The following PTPRD variants were observed in gnomAD, a reference collection of about 807,000 sequenced individuals.
The protein encoded by PTPRD is receptor-type tyrosine-protein phosphatase delta.
Under a neutral mutation model 214.5 loss-of-function variants are expected in PTPRD, and 34 were observed. The ratio of observed to expected loss-of-function variants is 0.16; its 90% confidence interval spans 0.12 to 0.21. The LOEUF (loss-of-function observed/expected upper bound fraction) is 0.21, where lower values mean the gene tolerates loss of function less well. Among genes scored for constraint, PTPRD ranks in the 10% least tolerant of loss-of-function variants. PTPRD has a pLI of 1.00. For synonymous variants in PTPRD, 1,128 were observed against 845.7 expected, an observed-to-expected ratio of 1.33 and a Z score of -5.79; for missense variants, 2,545 against 2,398.7, an observed-to-expected ratio of 1.06 and a Z score of -1.27.
intron 8 of PTPRD, among the ~76,000 whole-genome samples, chr9:9,429,560 C>T (rs2082266927): frequency 1.3e-5 from 2 of 152,170 alleles, no homozygotes; most frequent in Admixed American, 6.5e-5. Flanking sequence ...ATGAGGCCAG[C>T]ATCATCCTGA....
chr9:9,947,596 AAT>A (rs1491435177), intron 4 of PTPRD, among the ~76,000 whole-genome samples: 3 of 47,912 alleles, frequency 6.3e-5, no homozygotes, highest in African/African-American at 1.2e-4. Flanking sequence ...TTATATATAT[AAT>A]ATATATATTT....
chr9:10,478,768 G>C (rs1346941544), intron 2 of PTPRD, among the ~76,000 whole-genome samples: 3 of 151,476 alleles, frequency 2.0e-5, no homozygotes, highest in Admixed American at 2.0e-4. Flanking sequence ...ACTCAAATAA[G>C]TTGAGGAAAA....
At chr9:9,449,217 A>C (rs2091411930) in intron 8 of PTPRD, among the ~76,000 whole-genome samples, 1 of 152,068 alleles carries the variant, frequency 6.6e-6, no homozygotes, top group African/African-American at 2.4e-5. Flanking sequence ...GGAGAAAAAT[A>C]ACTTACCATT....
chr9:8,446,603 G>C (rs1375644773), intron 34 of PTPRD, among the ~76,000 whole-genome samples: 2 of 152,112 alleles, frequency 1.3e-5, no homozygotes, highest in Non-Finnish European at 2.9e-5. Flanking sequence ...TTGAACAGAA[G>C]GTGTGGATTA....
chr9:9,871,683 G>A (rs1224550987), intron 5 of PTPRD, among the ~76,000 whole-genome samples: 2 of 151,756 alleles, frequency 1.3e-5, no homozygotes, highest in South Asian at 4.2e-4. Flanking sequence ...CCTGGGAGAA[G>A]AAGTGCAGGG....
chr9:9,790,635 C>A (rs1430504169), intron 5 of PTPRD, among the ~76,000 whole-genome samples: 1 of 152,070 alleles, frequency 6.6e-6, no homozygotes, highest in Non-Finnish European at 1.5e-5. Flanking sequence ...AAATCCATAA[C>A]AAAGAAAAAT....
At chr9:9,947,636 T>TTA (rs35323852) in intron 4 of PTPRD, among the ~76,000 whole-genome samples, 20,302 of 69,732 alleles carry the variant, frequency 0.29, 3,946 homozygotes, top group East Asian at 0.65. Flanking sequence ...AATATATATT[T>TTA]TATATATATA....
At position 9,973,301 on chromosome 9, in the gene PTPRD, C is replaced by CAAA. The variant is rs747369676; in HGVS notation, c.-471-34694_-471-34692dup. Among the ~76,000 whole-genome samples the CAAA allele has an allele frequency of 2.1e-3, 157 of 74,198 alleles. 1 individual carries two copies. Among genetic ancestry groups the CAAA allele is most frequent in the African/African-American group, 6.6e-3 (150 of 22,854 alleles). The allele number at this position is 74,198 out of a possible 152,430, so 48.7% of individuals were successfully genotyped here. The stretch of plus-strand genomic sequence containing the variant: ...AACATAGTGGTGAGACCTTGTCTTT[C>CAAA]AAAAAAAAAAAAAAAAAAAAATTAC... On this transcript the variant is annotated intron_variant, in intron 4 of 45. Coordinates refer to ENST00000381196, the MANE Select transcript of PTPRD (RefSeq NM_002839.4).
At chr9:8,983,613 A>G (rs2099325004) in intron 11 of PTPRD, among the ~76,000 whole-genome samples, 5 of 151,922 alleles carry the variant, frequency 3.3e-5, no homozygotes, top group Admixed American at 2.6e-4. Context: ...GGCTCAAGCA[A>G]TCCTCCTGCC....
chr9:9,945,114 A>C (rs535993398), intron 4 of PTPRD, among the ~76,000 whole-genome samples: 1 of 152,158 alleles, frequency 6.6e-6, no homozygotes, highest in Non-Finnish European at 1.5e-5. Flanking sequence ...TTTTAGATCT[A>C]TGTAAGAGGT....
intron 3 of PTPRD, among the ~76,000 whole-genome samples, chr9:10,244,485 T>C (rs2091728874): frequency 6.6e-6 from 1 of 152,114 alleles, no homozygotes; most frequent in Non-Finnish European, 1.5e-5. Flanking sequence ...ACTGAAGAGA[T>C]ACAGGTAGAG....
At chr9:8,595,610 T>A (rs1476826306) in intron 14 of PTPRD, among the ~76,000 whole-genome samples, 1 of 152,216 alleles carries the variant, frequency 6.6e-6, no homozygotes, top group Non-Finnish European at 1.5e-5. Context: ...AGCATCAAGA[T>A]AAACTCTTTG....
At chr9:8,486,370 TGG>T in intron 27 of PTPRD, 21 bp from the exon 28 acceptor site, 1 of 1,596,192 alleles carries the variant, frequency 6.3e-7, no homozygotes, top group South Asian at 1.1e-5. Context: ...TGGGATGGAG[TGG>T]TAAGACCAAC....
At chr9:10,055,367 C>T (rs984640228) in intron 3 of PTPRD, among the ~76,000 whole-genome samples, 9 of 152,052 alleles carry the variant, frequency 5.9e-5, no homozygotes, top group African/African-American at 1.4e-4. Context: ...TGAATACTTA[C>T]GAATAGGAGA....
chr9:9,290,014 A>AT (rs1298748514), intron 9 of PTPRD, among the ~76,000 whole-genome samples: 1 of 151,680 alleles, frequency 6.6e-6, no homozygotes, highest in Non-Finnish European at 1.5e-5. Flanking sequence ...TCTATTTTTA[A>AT]TTTTTTGAGG....
At chr9:8,617,490 G>C (rs1029572768) in intron 14 of PTPRD, among the ~76,000 whole-genome samples, 4 of 152,090 alleles carry the variant, frequency 2.6e-5, no homozygotes, top group Non-Finnish European at 5.9e-5. Flanking sequence ...CATCAGATAT[G>C]TCACTTAGAT....
Position 9,793,787 on chromosome 9 carries a change from C to G in PTPRD, c.-367-26936G>C, listed in dbSNP as rs1003643230. On this transcript the variant is annotated intron_variant, in intron 5 of 45. Coordinates refer to ENST00000381196, the MANE Select transcript of PTPRD (RefSeq NM_002839.4). ...CTACTTGGTTTCCATTAGATTAAAT[C>G]CCAAATTCCAGTTAACTTTAATAAA... is the stretch of plus-strand genomic sequence containing the variant. Among the ~76,000 whole-genome samples the G allele has an allele frequency of 1.8e-4, 27 of 151,950 alleles. 1 individual carries two copies. The highest frequency in any genetic ancestry group is 6.3e-4 in the African/African-American group (26 of 41,468).
chr9:8,919,945 C>A (rs2098815397), intron 11 of PTPRD, among the ~76,000 whole-genome samples: 1 of 140,688 alleles, frequency 7.1e-6, no homozygotes, highest in African/African-American at 2.5e-5. Context: ...TATGCATGTA[C>A]ACATGTATGT....
intron 3 of PTPRD, among the ~76,000 whole-genome samples, chr9:10,064,806 A>C (rs1330468679): frequency 6.6e-6 from 1 of 151,998 alleles, no homozygotes; most frequent in East Asian, 1.9e-4. Context: ...CTGAATCTAA[A>C]ATAAAAGTTG....
Sources: gnomAD v4.1 joint callset for allele counts (sites outside exome capture counted in the v4.1 genomes callset) on GRCh38, gnomAD v4.1.1 for gene constraint, MANE v1.5 for transcripts, NCBI Gene and HGNC (gene_info 2026-07-23, HGNC 2026-07-21) for gene names.